Variants in KCTD8 observed in about 807,000 individuals in gnomAD.
The protein encoded by KCTD8 is BTB/POZ domain-containing protein KCTD8.
In KCTD8, 27 loss-of-function variants were observed where a neutral mutation model predicts 31.5. The ratio of observed to expected loss-of-function variants is 0.86; its 90% CI spans 0.63 to 1.18. The LOEUF is 1.18. Among genes scored for constraint, KCTD8 ranks in the 50% most tolerant of loss-of-function variants. The probability of loss-of-function intolerance (pLI) is 0.00; values close to 1 mark genes in which losing one functional copy is unlikely to be tolerated. For missense variants in KCTD8, 658 were observed against 647.7 expected (o/e 1.02, Z -0.17); for synonymous variants, 290 against 280.0 (o/e 1.04, Z -0.36).
chr4:44,197,109 C>A (rs904625606), intron 1 of KCTD8, among the ~76,000 whole-genome samples: 35 of 152,154 alleles, frequency 2.3e-4, no homozygotes, highest in African/African-American at 8.0e-4. Flanking sequence ...ATGCAGATGG[C>A]AAACTGTGTG....
At chr4:44,265,502 G>C (rs1328855712) in intron 1 of KCTD8, among the ~76,000 whole-genome samples, 4 of 152,150 alleles carry the variant, frequency 2.6e-5, no homozygotes, top group African/African-American at 9.7e-5. Flanking sequence ...TCCTCCAAAG[G>C]AATGTAGTTC....
chr4:44,434,343 G>A (rs1429280304), intron 1 of KCTD8, among the ~76,000 whole-genome samples: 2 of 151,770 alleles, frequency 1.3e-5, no homozygotes, highest in South Asian at 4.1e-4. Flanking sequence ...TGCTTTCTAT[G>A]CGTCATATCA....
At chr4:44,312,071 A>T (rs1426098741) in intron 1 of KCTD8, among the ~76,000 whole-genome samples, 1 of 152,012 alleles carries the variant, frequency 6.6e-6, no homozygotes, top group East Asian at 1.9e-4. Flanking sequence ...ATGATTTTTT[A>T]AAAAGTTGGA....
At chr4:44,375,144 G>A (rs1420105083) in intron 1 of KCTD8, among the ~76,000 whole-genome samples, 3 of 152,030 alleles carry the variant, frequency 2.0e-5, no homozygotes, top group Non-Finnish European at 2.9e-5. Flanking sequence ...TTATTTCCAC[G>A]AAGCAAAGGA....
chr4:44,332,723 C>T (rs567010612), intron 1 of KCTD8, among the ~76,000 whole-genome samples: 2 of 151,842 alleles, frequency 1.3e-5, no homozygotes, highest in African/African-American at 2.4e-5. Flanking sequence ...AAGAAAACTC[C>T]ATAGTTAGGA....
chr4:44,193,553 TA>T (rs1299896087), intron 1 of KCTD8, among the ~76,000 whole-genome samples: 1 of 152,086 alleles, frequency 6.6e-6, no homozygotes, highest in Non-Finnish European at 1.5e-5. Flanking sequence ...CATTTGGGGA[TA>T]AAAATGTGCT....
At chr4:44,225,591 G>A (rs1029483572) in intron 1 of KCTD8, among the ~76,000 whole-genome samples, 4 of 151,636 alleles carry the variant, frequency 2.6e-5, no homozygotes, top group Non-Finnish European at 5.9e-5. Flanking sequence ...CATTTATTAA[G>A]CTTCCATCAC....
intron 1 of KCTD8, among the ~76,000 whole-genome samples, chr4:44,371,574 G>T (rs1051660803): frequency 2.6e-5 from 4 of 152,058 alleles, no homozygotes; most frequent in Non-Finnish European, 4.4e-5. Flanking sequence ...AAGCATTGGA[G>T]GCTATTCCCA....
intron 1 of KCTD8, among the ~76,000 whole-genome samples, chr4:44,182,631 A>C (rs187461931): frequency 0.02 from 2,985 of 152,086 alleles, 97 homozygotes; most frequent in African/African-American, 0.068. Flanking sequence ...ATCTCAAGTA[A>C]CCAGGGACAC....
intron 1 of KCTD8, among the ~76,000 whole-genome samples, chr4:44,371,760 A>C (rs1262009590): frequency 2.6e-5 from 4 of 152,226 alleles, no homozygotes; most frequent in Admixed American, 2.6e-4. Context: ...TGTAAAATAG[A>C]TGAATCCCCA....
intron 1 of KCTD8, among the ~76,000 whole-genome samples, chr4:44,294,772 A>G (rs1717381591): frequency 6.6e-6 from 1 of 152,294 alleles, no homozygotes; most frequent in Non-Finnish European, 1.5e-5. Context: ...TCTTAAGTGA[A>G]TATTATGCAG....
intron 1 of KCTD8, among the ~76,000 whole-genome samples, chr4:44,336,411 A>G (rs1718746341): frequency 6.6e-6 from 1 of 151,780 alleles, no homozygotes; most frequent in Non-Finnish European, 1.5e-5. Context: ...TAGAAAATCA[A>G]GAATAAATTA....
intron 1 of KCTD8, among the ~76,000 whole-genome samples, chr4:44,262,637 G>C (rs547112844): frequency 7.2e-5 from 11 of 152,108 alleles, no homozygotes; most frequent in Admixed American, 2.0e-4. Context: ...AATTTCATTT[G>C]AATTATCTTT....
At chr4:44,411,377 CAA>C (rs781705203) in intron 1 of KCTD8, among the ~76,000 whole-genome samples, 76 of 50,710 alleles carry the variant, frequency 1.5e-3, no homozygotes, top group Middle Eastern at 9.1e-3. Context: ...GAGCCTGTCT[CAA>C]AAAAAAAAAA....
intron 1 of KCTD8, among the ~76,000 whole-genome samples, chr4:44,301,518 T>C (rs926426899): frequency 1.3e-5 from 2 of 152,244 alleles, no homozygotes; most frequent in Admixed American, 1.3e-4. Flanking sequence ...ATGTCTTCTT[T>C]TGAGAAGTGT....
intron 1 of KCTD8, among the ~76,000 whole-genome samples, chr4:44,203,554 T>TTCAGC (rs1490547968): frequency 6.7e-6 from 1 of 148,902 alleles, no homozygotes; most frequent in Non-Finnish European, 1.5e-5. Flanking sequence ...CAACTAAGCG[T>TTCAGC]TCAGCTCAAT....
intron 1 of KCTD8, among the ~76,000 whole-genome samples, chr4:44,307,175 TAAAGA>T (rs1224695764): frequency 6.6e-6 from 1 of 152,002 alleles, no homozygotes; most frequent in Non-Finnish European, 1.5e-5. Flanking sequence ...CACCATATCC[TAAAGA>T]ATGTCACAAC....
chr4:44,300,095 A>C (rs1171268498), intron 1 of KCTD8, among the ~76,000 whole-genome samples: 2 of 152,054 alleles, frequency 1.3e-5, no homozygotes, highest in Non-Finnish European at 2.9e-5. Flanking sequence ...ACTATTTTTC[A>C]AATGTAATGG....
At chr4:44,223,463 A>G (rs1215669857) in intron 1 of KCTD8, among the ~76,000 whole-genome samples, 1 of 152,110 alleles carries the variant, frequency 6.6e-6, no homozygotes, top group Non-Finnish European at 1.5e-5. Flanking sequence ...CTTAACAGAC[A>G]CTCTGAAACG....
Sources: gnomAD v4.1 joint callset for allele counts (sites outside exome capture counted in the v4.1 genomes callset) on GRCh38, gnomAD v4.1.1 for gene constraint, MANE v1.5 for transcripts, NCBI Gene and HGNC (gene_info 2026-07-23, HGNC 2026-07-21) for gene names.